The following CSMD1 variants were observed in gnomAD, a reference collection of about 807,000 sequenced individuals.
CSMD1 encodes the protein CUB and Sushi multiple domains 1.
In CSMD1, 213 loss-of-function variants were observed where a neutral mutation model predicts 417.5. That is an observed-to-expected ratio of 0.51 (90% confidence interval 0.46 to 0.57). The LOEUF (loss-of-function observed/expected upper bound fraction) is 0.57. Ranked by LOEUF, CSMD1 falls within the 20% of genes least tolerant of loss-of-function variation. The pLI, the probability that CSMD1 is intolerant of heterozygous loss-of-function variation, is 0.00. For synonymous variants in CSMD1, 2,862 were observed against 1,736.8 expected, an observed-to-expected ratio of 1.65 and a Z score of -16.11; for missense variants, 6,923 against 4,529.7, an observed-to-expected ratio of 1.53 and a Z score of -15.17.
chr8:3,801,041 T>C (rs558558669), intron 5 of CSMD1, among the ~76,000 whole-genome samples: 83 of 152,184 alleles, frequency 5.5e-4, no homozygotes, highest in Non-Finnish European at 8.2e-4. Context: ...AGTAAATCTT[T>C]ATAACCGTGG....
chr8:4,415,879 G>A (rs75364797), intron 3 of CSMD1, among the ~76,000 whole-genome samples: 7,383 of 152,220 alleles, frequency 0.049, 593 homozygotes, highest in African/African-American at 0.17. Flanking sequence ...AGGAAACAGT[G>A]AGTGTATAAG....
At chr8:3,212,380 G>C (rs1043000707) in intron 30 of CSMD1, among the ~76,000 whole-genome samples, 2 of 152,134 alleles carry the variant, frequency 1.3e-5, no homozygotes, top group South Asian at 2.1e-4. Flanking sequence ...TTCCTCTGTC[G>C]ATCTGTTGCC....
intron 2 of CSMD1, among the ~76,000 whole-genome samples, chr8:4,515,278 C>G: frequency 6.6e-6 from 1 of 152,128 alleles, no homozygotes; most frequent in South Asian, 2.1e-4. Flanking sequence ...ACCACAGTCT[C>G]TGATCTGATG....
At chr8:3,753,638 G>A (rs1797483412) in intron 6 of CSMD1, among the ~76,000 whole-genome samples, 1 of 152,176 alleles carries the variant, frequency 6.6e-6, no homozygotes, top group Non-Finnish European at 1.5e-5. Context: ...GATATTTACA[G>A]ATTAGATGCA....
chr8:3,317,884 C>T (rs1027131228), intron 23 of CSMD1, among the ~76,000 whole-genome samples: 3 of 152,226 alleles, frequency 2.0e-5, no homozygotes, highest in Admixed American at 1.3e-4. Context: ...CATCTTGGCT[C>T]ACTACAGCCT....
At chr8:4,026,422 C>A (rs976824001) in intron 4 of CSMD1, among the ~76,000 whole-genome samples, 1 of 152,160 alleles carries the variant, frequency 6.6e-6, no homozygotes, top group Admixed American at 6.6e-5. Flanking sequence ...ATAGGAAAGA[C>A]ACTTAGCTGA....
intron 10 of CSMD1, among the ~76,000 whole-genome samples, chr8:3,539,181 T>C (rs912416002): frequency 6.6e-6 from 1 of 152,124 alleles, no homozygotes; most frequent in African/African-American, 2.4e-5. Context: ...GGCTCTTGCA[T>C]TTGCTGTAAT....
intron 1 of CSMD1, among the ~76,000 whole-genome samples, chr8:4,704,170 CTATT>C (rs1807769411): frequency 6.6e-6 from 1 of 152,204 alleles, no homozygotes; most frequent in South Asian, 2.1e-4. Flanking sequence ...GCCCCAGTCT[CTATT>C]AACACGTAAG....
intron 3 of CSMD1, among the ~76,000 whole-genome samples, chr8:4,205,202 T>C (rs1799905147): frequency 1.3e-5 from 2 of 152,248 alleles, no homozygotes; most frequent in Non-Finnish European, 2.9e-5. Flanking sequence ...ATAATAGCAT[T>C]GCACATTTCT....
intron 12 of CSMD1, among the ~76,000 whole-genome samples, chr8:3,455,879 C>G (rs182105124): frequency 1.3e-5 from 2 of 152,332 alleles, no homozygotes; most frequent in Non-Finnish European, 2.9e-5. Flanking sequence ...TTTCTGCTGT[C>G]TTTTGTTTGG....
At chr8:3,231,825 TATC>T (rs1408739082) in intron 26 of CSMD1, among the ~76,000 whole-genome samples, 12 of 152,198 alleles carry the variant, frequency 7.9e-5, no homozygotes, top group Non-Finnish European at 2.9e-5. Context: ...TAAGCACACT[TATC>T]ATCAGCTAAC....
chr8:3,136,340 C>T (rs1487499751), intron 41 of CSMD1, among the ~76,000 whole-genome samples: 1 of 151,316 alleles, frequency 6.6e-6, no homozygotes, highest in Non-Finnish European at 1.5e-5. Context: ...CACTACAAAC[C>T]CCGGTCTCTG....
chr8:3,301,633 C>G (rs572708136), intron 25 of CSMD1, among the ~76,000 whole-genome samples: 8 of 152,164 alleles, frequency 5.3e-5, no homozygotes, highest in Non-Finnish European at 8.8e-5. Context: ...AGGCTATGAT[C>G]AGAGATCAGT....
chr8:4,355,050 C>G (rs1193758703), intron 3 of CSMD1, among the ~76,000 whole-genome samples: 1 of 151,896 alleles, frequency 6.6e-6, no homozygotes, highest in African/African-American at 2.4e-5. Flanking sequence ...ATGACGAGGT[C>G]AGGAGATCGA....
chr8:4,292,062 C>T (rs999809852), intron 3 of CSMD1, among the ~76,000 whole-genome samples: 1 of 152,086 alleles, frequency 6.6e-6, no homozygotes, highest in African/African-American at 2.4e-5. Flanking sequence ...GACACTTGAT[C>T]ATTCAATGAA....
chr8:3,281,736 G>T (rs1015289539), intron 26 of CSMD1, among the ~76,000 whole-genome samples: 1 of 152,176 alleles, frequency 6.6e-6, no homozygotes, highest in African/African-American at 2.4e-5. Context: ...GACTGTTGGT[G>T]ATGTTATTAC....
At position 3,168,653 on chromosome 8, in the gene CSMD1, A is replaced by ACACAC. The variant is rs1554448529; in HGVS notation, c.5726-6377_5726-6376insGTGTG. Among the ~76,000 whole-genome samples the ACACAC allele has an allele frequency of 4.6e-3, 699 of 151,866 alleles. 9 individuals carry two copies. The highest frequency in any genetic ancestry group is 0.012 in the African/African-American group (491 of 41,394). Reference sequence around the variant, plus strand: ...TCATCACACACACACACACACACACAAATATATATATATATGGAAAACGCC... The same window carrying ACACAC: ...TCATCACACACACACACACACACACACACACAATATATATATATATGGAAAACGCC... On this transcript the variant is annotated intron_variant, in intron 37 of 69. Transcript: ENST00000635120.
chr8:4,626,801 T>A (rs1250216416), intron 2 of CSMD1, among the ~76,000 whole-genome samples: 1 of 152,152 alleles, frequency 6.6e-6, no homozygotes, highest in African/African-American at 2.4e-5. Flanking sequence ...TGTGCAGAGT[T>A]CTGAATTCTG....
At chr8:3,269,452 C>T (rs536448583) in intron 26 of CSMD1, among the ~76,000 whole-genome samples, 8 of 152,328 alleles carry the variant, frequency 5.3e-5, no homozygotes, top group Admixed American at 3.3e-4. Context: ...TGGGCAGCAC[C>T]AAAGGCCTCT....
Sources: allele counts gnomAD v4.1 joint callset (sites outside exome capture counted in the v4.1 genomes callset), GRCh38; gene constraint gnomAD v4.1.1; transcripts MANE v1.5; gene names NCBI Gene and HGNC (gene_info 2026-07-23, HGNC 2026-07-21).